The following TAFA1 variants were observed in gnomAD, a reference collection of about 807,000 sequenced individuals.
TAFA1 encodes chemokine-like protein TAFA-1.
In TAFA1, 4 loss-of-function variants were observed where a neutral mutation model predicts 18.5. The observed-to-expected ratio is 0.22, with a 90% CI of 0.11 to 0.49. TAFA1 has a LOEUF of 0.49. TAFA1 is among the 20% of genes least tolerant of loss of function. The pLI is 0.98. For synonymous variants in TAFA1, 56 were observed against 55.2 expected (o/e 1.01, Z -0.06); for missense variants, 147 against 169.0 (o/e 0.87, Z 0.72).
At chr3:68,079,768 G>C (rs2064872871) in intron 2 of TAFA1, among the ~76,000 whole-genome samples, 1 of 152,124 alleles carries the variant, frequency 6.6e-6, no homozygotes, top group Non-Finnish European at 1.5e-5. Flanking sequence ...GTGGTGTGGT[G>C]CTGAAAAAAA....
chr3:68,037,845 C>T (rs1305304972), intron 2 of TAFA1, among the ~76,000 whole-genome samples: 1 of 152,106 alleles, frequency 6.6e-6, no homozygotes, highest in Non-Finnish European at 1.5e-5. Flanking sequence ...GACAGGACAA[C>T]AGGAAGAAAA....
chr3:68,158,039 A>G (rs1470261602), intron 2 of TAFA1, among the ~76,000 whole-genome samples: 1 of 152,104 alleles, frequency 6.6e-6, no homozygotes, highest in Non-Finnish European at 1.5e-5. Context: ...CGGAAATTAA[A>G]ATCTGTGATG....
upstream of TAFA1, among the ~76,000 whole-genome samples, chr3:67,999,287 C>G (rs62249379): frequency 4.3e-3 from 635 of 147,684 alleles, 8 homozygotes; most frequent in African/African-American, 0.015. Context: ...CCCCCTCTCT[C>G]TGTGTGTGTG....
At chr3:68,357,047 ATGC>A (rs1299483764) in intron 2 of TAFA1, among the ~76,000 whole-genome samples, 6 of 152,048 alleles carry the variant, frequency 3.9e-5, no homozygotes, top group African/African-American at 1.4e-4. Context: ...GGCCTTTGTC[ATGC>A]AGAGATAAAG....
intron 2 of TAFA1, among the ~76,000 whole-genome samples, chr3:68,173,676 G>T (rs1016050528): frequency 6.6e-6 from 1 of 152,084 alleles, no homozygotes; most frequent in East Asian, 1.9e-4. Flanking sequence ...CTCTCATATT[G>T]CTTATTGTCT....
rs1388576699 is a variant in TAFA1, at chr3:68,545,602, G to A, written c.*1099G>A. The A allele has an allele frequency of 1.3e-5, 2 of 152,548 alleles. No homozygotes were observed. The highest frequency in any genetic ancestry group is 4.8e-5 in the African/African-American group (2 of 41,426). 9.4% of individuals were successfully genotyped at this position (152,548 alleles called of 1,614,324 possible). On this transcript the variant is annotated 3_prime_UTR_variant, in exon 5 of 5. Coordinates refer to ENST00000478136, the MANE Select transcript of TAFA1 (RefSeq NM_213609.4). ...AATGTTGGACAGCCCTATTAAAGTG[G>A]TAAACAACTTCTTTCTAAACCTACT...
chr3:68,343,701 T>A (rs1054091382), intron 2 of TAFA1, among the ~76,000 whole-genome samples: 1 of 152,238 alleles, frequency 6.6e-6, no homozygotes, highest in African/African-American at 2.4e-5. Flanking sequence ...GCCACATATT[T>A]TTTTTATGTT....
chr3:68,245,599 C>T (rs968754928), intron 2 of TAFA1, among the ~76,000 whole-genome samples: 1 of 152,096 alleles, frequency 6.6e-6, no homozygotes, highest in African/African-American at 2.4e-5. Context: ...AGAGTTTTAC[C>T]GTAGTTCCAT....
intron 2 of TAFA1, among the ~76,000 whole-genome samples, chr3:68,050,716 C>A (rs1231699420): frequency 1.3e-5 from 2 of 152,144 alleles, no homozygotes; most frequent in African/African-American, 2.4e-5. Context: ...AAGCAAGGGT[C>A]AGCCATTGAC....
At chr3:68,347,768 A>G (rs1317758225) in intron 2 of TAFA1, among the ~76,000 whole-genome samples, 1 of 152,232 alleles carries the variant, frequency 6.6e-6, no homozygotes, top group East Asian at 1.9e-4. Context: ...ATCATATCAT[A>G]TATTCTAGCA....
At chr3:68,293,935 C>G (rs1007386767) in intron 2 of TAFA1, among the ~76,000 whole-genome samples, 3 of 152,142 alleles carry the variant, frequency 2.0e-5, no homozygotes, top group Non-Finnish European at 4.4e-5. Context: ...AGAACTTGAT[C>G]AAAGTGCAGA....
chr3:68,085,833 G>A (rs1408670759), intron 2 of TAFA1, among the ~76,000 whole-genome samples: 2 of 152,170 alleles, frequency 1.3e-5, no homozygotes, highest in Non-Finnish European at 2.9e-5. Context: ...TTCTTCTGAA[G>A]CATTTCCCCA....
At chr3:68,329,987 GGATA>G (rs71665424) in intron 2 of TAFA1, among the ~76,000 whole-genome samples, 7,667 of 152,206 alleles carry the variant, frequency 0.05, 238 homozygotes, top group African/African-American at 0.086. Context: ...CATACACATT[GGATA>G]CACACATAAA....
intron 3 of TAFA1, among the ~76,000 whole-genome samples, chr3:68,480,721 C>T (rs903020155): frequency 8.5e-5 from 13 of 152,100 alleles, no homozygotes; most frequent in African/African-American, 2.7e-4. Flanking sequence ...ATAATGAAAG[C>T]GTAAGTACTA....
chr3:68,039,375 A>G (rs1428588426), intron 2 of TAFA1, among the ~76,000 whole-genome samples: 1 of 152,202 alleles, frequency 6.6e-6, no homozygotes, highest in Non-Finnish European at 1.5e-5. Flanking sequence ...ATAAGGGACA[A>G]GTACTCTTTA....
At chr3:68,186,591 T>C (rs2066275029) in intron 2 of TAFA1, among the ~76,000 whole-genome samples, 1 of 152,084 alleles carries the variant, frequency 6.6e-6, no homozygotes, top group South Asian at 2.1e-4. Flanking sequence ...GATTAATATA[T>C]GAGAAGAATG....
At chr3:68,424,790 T>C (rs1373879145) in intron 3 of TAFA1, among the ~76,000 whole-genome samples, 2 of 152,038 alleles carry the variant, frequency 1.3e-5, no homozygotes, top group African/African-American at 4.8e-5. Flanking sequence ...AGAAATTCTG[T>C]AGACAAGTAG....
intron 2 of TAFA1, among the ~76,000 whole-genome samples, chr3:68,108,836 T>C (rs1219769243): frequency 6.6e-6 from 1 of 152,066 alleles, no homozygotes; most frequent in Non-Finnish European, 1.5e-5. Flanking sequence ...AAAACAGAGA[T>C]CTAGAAGTAG....
In TAFA1 at chr3:68,144,858, A is replaced by G. The variant is rs547642710; in HGVS notation, c.118+138114A>G. 1.5e-5 allele frequency: 9 copies of G among 618,270 alleles called. No homozygotes were observed. In the Middle Eastern group the frequency reaches 1.3e-3, roughly 92 times the overall value. The allele number at this position is 618,270 out of a possible 1,614,324, so 38.3% of individuals were successfully genotyped here. A position where few individuals can be genotyped will look rare whatever the true frequency, so the allele number is the denominator to read the frequency against. On this transcript the variant is annotated intron_variant, in intron 2 of 4. Transcript: ENST00000478136. Reference sequence around the variant, plus strand: ...CTCTTTGACTTTTAACCTGAGCACAATGTCTTTTACATTTACATTCCATTT... The same window carrying G: ...CTCTTTGACTTTTAACCTGAGCACAGTGTCTTTTACATTTACATTCCATTT...
Sources: gnomAD v4.1 joint callset for allele counts (sites outside exome capture counted in the v4.1 genomes callset) on GRCh38, gnomAD v4.1.1 for gene constraint, MANE v1.5 for transcripts, NCBI Gene and HGNC (gene_info 2026-07-23, HGNC 2026-07-21) for gene names.